ARHGEF12: variants seen among roughly 807,000 people sequenced by gnomAD.
ARHGEF12 encodes the protein KMT2A/ARHGEF12 fusion protein.
Under a neutral mutation model 211.2 loss-of-function variants are expected in ARHGEF12, and 66 were observed. That is an observed-to-expected ratio of 0.31 (90% confidence interval 0.26 to 0.38). The LOEUF (loss-of-function observed/expected upper bound fraction) is 0.38. ARHGEF12 is among the 10% of genes least tolerant of loss of function. The probability of loss-of-function intolerance (pLI) is 1.00; values close to 1 mark genes in which losing one functional copy is unlikely to be tolerated. For missense variants in ARHGEF12, 1,429 were observed against 1,869.5 expected (o/e 0.76, Z 4.34); for synonymous variants, 592 against 638.4 (o/e 0.93, Z 1.09).
At chr11:120,451,749 T>A (rs777184632) in intron 22 of ARHGEF12, 25 bp downstream of exon 22, 2 of 1,587,268 alleles carry the variant, frequency 1.3e-6, no homozygotes, top group South Asian at 2.3e-5. Flanking sequence ...TAGTTCAGCT[T>A]AACTAAGCAT....
intron 1 of ARHGEF12, among the ~76,000 whole-genome samples, chr11:120,401,876 A>G (rs904811835): frequency 6.6e-6 from 1 of 152,192 alleles, no homozygotes; most frequent in Non-Finnish European, 1.5e-5. Context: ...TTATTTGAAT[A>G]TTTAGTCTTT....
At chr11:120,428,655 A>G (rs1383271959) in intron 8 of ARHGEF12, among the ~76,000 whole-genome samples, 1 of 152,220 alleles carries the variant, frequency 6.6e-6, no homozygotes, top group Admixed American at 6.5e-5. Context: ...TCAAGAGTAT[A>G]CAAGTAACTA....
chr11:120,445,024 A>T (rs999946956), intron 15 of ARHGEF12, among the ~76,000 whole-genome samples: 1 of 152,226 alleles, frequency 6.6e-6, no homozygotes, highest in Non-Finnish European at 1.5e-5. Flanking sequence ...AATCATGGCT[A>T]TATGTGAGTA....
chr11:120,472,075 T>A (rs1946884292), intron 30 of ARHGEF12, among the ~76,000 whole-genome samples: 1 of 152,054 alleles, frequency 6.6e-6, no homozygotes, highest in Admixed American at 6.6e-5. Flanking sequence ...ATGAAATAAC[T>A]CTCTATATGT....
At chr11:120,355,592 AGT>A (rs1363460474) in intron 1 of ARHGEF12, among the ~76,000 whole-genome samples, 1 of 152,148 alleles carries the variant, frequency 6.6e-6, no homozygotes, top group African/African-American at 2.4e-5. Flanking sequence ...CTGTAGTCCT[AGT>A]TACTTAGGAG....
At chr11:120,441,960 T>C in intron 14 of ARHGEF12, 143 bp downstream of exon 14, 2 of 909,174 alleles carry the variant, frequency 2.2e-6, no homozygotes, top group Non-Finnish European at 3.3e-6. Flanking sequence ...TAAAACATTA[T>C]TTTTAAAGAC....
At chr11:120,431,743 G>A (rs774385425) in intron 10 of ARHGEF12, 28 bp from the exon 11 acceptor site, 1 of 1,550,510 alleles carries the variant, frequency 6.4e-7, no homozygotes, top group Admixed American at 2.0e-5. Flanking sequence ...GTGTTTGTGT[G>A]CGCGTGTTTT....
Position 120,336,653 on chromosome 11 carries a change from GCTC to G in ARHGEF12, c.-590_-588del, listed in dbSNP as rs1942359308. On this transcript the variant is annotated 5_prime_UTR_variant, in exon 1 of 41. Coordinates refer to ENST00000397843, the MANE Select transcript of ARHGEF12 (RefSeq NM_015313.3). ...CGGGACCTCTCCGCCGGCGCCAGCG[GCTC>G]GTCCCAGCACCGGGAGCCTGGTGAG... Among the ~76,000 whole-genome samples the G allele has an allele frequency of 6.6e-6, 1 of 152,034 alleles. No individual in the cohort carries two copies. Among genetic ancestry groups the G allele is most frequent in the South Asian group, 2.1e-4 (1 of 4,824 alleles).
intron 4 of ARHGEF12, among the ~76,000 whole-genome samples, chr11:120,418,504 C>G (rs956095055): frequency 1.5e-4 from 23 of 152,214 alleles, no homozygotes; most frequent in African/African-American, 5.5e-4. Context: ...AATAAAACTG[C>G]TGTGAACATT....
Position 120,485,248 on chromosome 11 carries a change from A to G in ARHGEF12, c.*171A>G, listed in dbSNP as rs115813755. The G allele has an allele frequency of 2.6e-3, 1,719 of 666,502 alleles. 27 individuals are homozygous for G. In the African/African-American group the frequency reaches 0.029, roughly 11 times the overall value. The allele number at this position is 666,502 out of a possible 1,614,324, so 41.3% of individuals were successfully genotyped here. A position where few individuals can be genotyped will look rare whatever the true frequency, so the allele number is the denominator to read the frequency against. ...GCCCAGAGTGGGACTAGTTCTTCAC[A>G]GTGTGGCAGCTGCACTAATCTGTTT... On this transcript the variant is annotated 3_prime_UTR_variant, in exon 41 of 41. Coordinates refer to ENST00000397843, the MANE Select transcript of ARHGEF12 (RefSeq NM_015313.3).
Position 120,446,961 on chromosome 11 carries a change from A to G in ARHGEF12, c.1465A>G (p.Met489Val), listed in dbSNP as rs919694583. The change falls in exon 18 of 41, where the codon ATG becomes GTG. Residue 489 changes from methionine (M) to valine (V), a missense_variant. Physicochemically the swap from Met to Val is conservative, Grantham distance 21 (BLOSUM62 1). This residue lies in a region of ARHGEF12 where 373 missense variants were observed against 467.5 expected (regional missense o/e 0.80). Coordinates refer to ENST00000397843, the MANE Select transcript of ARHGEF12 (RefSeq NM_015313.3). Reference protein sequence around the residue: ...HLEDFRQKRSMGLTLAESELT... With the variant: ...HLEDFRQKRSVGLTLAESELT... The stretch of plus-strand genomic sequence containing the variant: ...TATTCCCTTCAGGCAGAAACGTAGT[A>G]TGGGACTGACCTTGGCTGAAAGCGA... The G allele has an allele frequency of 3.1e-6, 5 of 1,614,034 alleles. No individual in the cohort carries two copies. In the African/African-American group the frequency reaches 4.0e-5, roughly 13 times the overall value.
intron 1 of ARHGEF12, chr11:120,385,303 A>G (rs1310592394): frequency 1.0e-6 from 1 of 985,292 alleles, no homozygotes; most frequent in Non-Finnish European, 1.2e-6. Flanking sequence ...TCTTCTTATC[A>G]TCCCTCTTGT....
intron 12 of ARHGEF12, 125 bp downstream of exon 12, chr11:120,437,507 A>G: frequency 3.5e-6 from 2 of 573,740 alleles, no homozygotes; most frequent in Non-Finnish European, 5.5e-6. Context: ...ATTAAAATTT[A>G]TTAAAGAAAC....
chr11:120,468,794 C>T (rs1016958280), intron 29 of ARHGEF12, among the ~76,000 whole-genome samples: 2 of 152,146 alleles, frequency 1.3e-5, no homozygotes, highest in Non-Finnish European at 2.9e-5. Flanking sequence ...TTAATGTAAT[C>T]TATTTTCTTT....
chr11:120,440,295 G>T (rs145278231), intron 13 of ARHGEF12, 74 bp downstream of exon 13: 23 of 1,196,778 alleles, frequency 1.9e-5, no homozygotes, highest in Admixed American at 7.4e-5. Context: ...AAATGAGCAC[G>T]TTCTGGAGAT....
At chr11:120,436,646 C>T (rs901615836) in intron 11 of ARHGEF12, among the ~76,000 whole-genome samples, 3 of 152,128 alleles carry the variant, frequency 2.0e-5, no homozygotes, top group Non-Finnish European at 4.4e-5. Flanking sequence ...TTTTCCTAGT[C>T]ATTATCCCCT....
chr11:120,341,912 T>C (rs1942548048), intron 1 of ARHGEF12, among the ~76,000 whole-genome samples: 2 of 152,234 alleles, frequency 1.3e-5, no homozygotes. Context: ...TTGAGTAAAA[T>C]ACCATCATGT....
Position 120,479,940 on chromosome 11 carries a change from C to T in ARHGEF12, c.3767-20C>T, listed in dbSNP as rs749095903. 5 of 1,589,338 alleles carry T rather than the reference C, an allele frequency of 3.1e-6. No homozygotes were observed. The African/African-American group carries it at 4.1e-5, about 13-fold the overall frequency. On this transcript the variant is annotated intron_variant, in intron 37 of 40. Coordinates refer to ENST00000397843, the MANE Select transcript of ARHGEF12 (RefSeq NM_015313.3). Reference sequence around the variant, plus strand: ...AGTTGTGAATATGTTTTTTTTCCCCCTCCTTCCTAAATCGTTTAGTGGGTT... The same window carrying T: ...AGTTGTGAATATGTTTTTTTTCCCCTTCCTTCCTAAATCGTTTAGTGGGTT...
chr11:120,395,040 G>T (rs1364246469), intron 1 of ARHGEF12, among the ~76,000 whole-genome samples: 2 of 114,174 alleles, frequency 1.8e-5, no homozygotes, highest in Admixed American at 1.2e-4. Context: ...CTGCCCAACA[G>T]AGCAAGACTC....
Sources: allele counts gnomAD v4.1 joint callset (sites outside exome capture counted in the v4.1 genomes callset), GRCh38; gene constraint gnomAD v4.1.1; regional missense constraint gnomAD v4.1.1; transcripts MANE v1.5; gene names NCBI Gene and HGNC (gene_info 2026-07-23, HGNC 2026-07-21).